The following RRAS2 variants were observed in gnomAD, a reference collection of about 807,000 sequenced individuals.
The protein encoded by RRAS2 is ras-related protein R-Ras2.
Under a neutral mutation model 27.6 loss-of-function variants are expected in RRAS2, and 7 were observed. The observed-to-expected ratio is 0.25, with a 90% CI of 0.14 to 0.48. RRAS2 has a LOEUF of 0.48. Ranked by LOEUF, RRAS2 falls within the 20% of genes least tolerant of loss-of-function variation. RRAS2 has a pLI of 0.99. For missense variants in RRAS2, 178 were observed against 256.2 expected (o/e 0.69, Z 2.08); for synonymous variants, 86 against 90.9 (o/e 0.95, Z 0.31).
At chr11:14,298,060 A>G (rs1847602580) in intron 1 of RRAS2, among the ~76,000 whole-genome samples, 1 of 152,204 alleles carries the variant, frequency 6.6e-6, no homozygotes, top group African/African-American at 2.4e-5. Context: ...CCACTTCAAA[A>G]AGTAAATAAA....
chr11:14,309,252 G>T (rs1847903168), intron 1 of RRAS2, among the ~76,000 whole-genome samples: 1 of 152,068 alleles, frequency 6.6e-6, no homozygotes, highest in Non-Finnish European at 1.5e-5. Flanking sequence ...AGCAAAACTA[G>T]AATTAAAGGG....
At chr11:14,322,598 G>C (rs1187658608) in intron 1 of RRAS2, among the ~76,000 whole-genome samples, 1 of 151,964 alleles carries the variant, frequency 6.6e-6, no homozygotes, top group Non-Finnish European at 1.5e-5. Flanking sequence ...ATTTACCTAA[G>C]AAAACCTTAA....
chr11:14,312,200 G>A (rs1847986301), intron 1 of RRAS2, among the ~76,000 whole-genome samples: 1 of 152,056 alleles, frequency 6.6e-6, no homozygotes, highest in African/African-American at 2.4e-5. Context: ...TCCCTAAGGG[G>A]AGAACACGGA....
chr11:14,296,013 A>G, intron 1 of RRAS2, 158 bp from the exon 2 acceptor site: 1 of 441,618 alleles, frequency 2.3e-6, no homozygotes. Context: ...ATCTCTTAAA[A>G]AAAAATTAAA....
rs1258756203 is a variant in RRAS2, at chr11:14,358,967, C to A, written c.-97G>T. On this transcript the variant is annotated 5_prime_UTR_variant, in exon 1 of 6. Transcript: ENST00000256196. This position sits in a 1 kb window ranked among gnomAD's most constrained non-coding sequence, Gnocchi z 5.1. ...ACGTGTGCGGCCGGCGGGCTGCGGGCGAGCGGCCGGGCTGGGGTCCCGGGT... is the reference window on the plus strand; with the variant it reads ...ACGTGTGCGGCCGGCGGGCTGCGGGAGAGCGGCCGGGCTGGGGTCCCGGGT... 4.3e-6 allele frequency: 5 copies of A among 1,156,676 alleles called. No individual in the cohort carries two copies. In the Admixed American group the frequency reaches 1.9e-4, roughly 45 times the overall value. The allele number at this position is 1,156,676 out of a possible 1,614,324, so 71.7% of individuals were successfully genotyped here. A position where few individuals can be genotyped will look rare whatever the true frequency, so the allele number is the denominator to read the frequency against.
At chr11:14,349,228 T>G (rs546230137) in intron 1 of RRAS2, among the ~76,000 whole-genome samples, 16 of 152,110 alleles carry the variant, frequency 1.1e-4, no homozygotes, top group Middle Eastern at 6.8e-3. Context: ...CTTGGCTCAC[T>G]GCAACCTCCA....
intron 1 of RRAS2, among the ~76,000 whole-genome samples, chr11:14,320,280 A>G (rs2133995559): frequency 6.6e-6 from 1 of 152,354 alleles, no homozygotes; most frequent in East Asian, 1.9e-4. Context: ...GTGAAACCAC[A>G]AGAGAGCAAG....
chr11:14,352,862 C>T (rs189799963), intron 1 of RRAS2, among the ~76,000 whole-genome samples: 3 of 150,766 alleles, frequency 2.0e-5, no homozygotes, highest in South Asian at 2.1e-4. Context: ...GTGGCATGAT[C>T]TCCGCCCACT....
chr11:14,284,116 G>C (rs1048213219), intron 4 of RRAS2, among the ~76,000 whole-genome samples: 19 of 151,866 alleles, frequency 1.3e-4, no homozygotes, highest in Admixed American at 5.2e-4. Flanking sequence ...ATTTCTTAAG[G>C]AAGAAACTAA....
intron 4 of RRAS2, among the ~76,000 whole-genome samples, chr11:14,283,115 G>A (rs985539849): frequency 2.6e-5 from 4 of 152,104 alleles, no homozygotes; most frequent in South Asian, 2.1e-4. Flanking sequence ...TGCATAAGGC[G>A]TTTATCAGGA....
intron 1 of RRAS2, 47 bp from the exon 2 acceptor site, chr11:14,295,902 G>T (rs183165083): frequency 1.9e-6 from 3 of 1,549,994 alleles, no homozygotes; most frequent in Non-Finnish European, 2.7e-6. Flanking sequence ...GGCCAGGCAT[G>T]GTAGCTCACA....
In RRAS2 at chr11:14,358,822, G is replaced by A; in HGVS notation, c.49C>T (p.Leu17Phe). The change falls in exon 1 of 6, where the codon CTC (leucine) becomes TTC (phenylalanine). Residue 17 changes from leucine (L) to phenylalanine (F), a missense_variant. Transcript: ENST00000256196. The surrounding 1 kb of genome is among the most constrained non-coding windows in gnomAD (Gnocchi z 5.1). ...RDGSGQEKYR[L>F]VVVGGGGVGK... ...ACGCCGCCCCCGCCGACCACCACGA[G>A]CCGGTACTTCTCCTGGCCGGAGCCG... 6.7e-7 allele frequency: 1 copy of A among 1,495,990 alleles called. No individual in the cohort carries two copies. The highest frequency in any genetic ancestry group is 9.0e-7 in the Non-Finnish European group (1 of 1,116,706). 92.7% of individuals were successfully genotyped at this position (1,495,990 alleles called of 1,614,324 possible). A position where few individuals can be genotyped will look rare whatever the true frequency, so the allele number is the denominator to read the frequency against.
chr11:14,314,039 G>GA (rs1476728813), intron 1 of RRAS2, among the ~76,000 whole-genome samples: 2 of 152,132 alleles, frequency 1.3e-5, no homozygotes, highest in African/African-American at 2.4e-5. Flanking sequence ...AAAATCATTA[G>GA]AAAAAACTAT....
In RRAS2 at chr11:14,358,905, G is replaced by A; in HGVS notation, c.-35C>T. 1 of 1,321,302 alleles carries A rather than the reference G, an allele frequency of 7.6e-7. No homozygotes were observed. Among genetic ancestry groups the A allele is most frequent in the Non-Finnish European group, 9.8e-7 (1 of 1,024,228 alleles). The allele number at this position is 1,321,302 out of a possible 1,614,324, so 81.8% of individuals were successfully genotyped here. A position where few individuals can be genotyped will look rare whatever the true frequency, so the allele number is the denominator to read the frequency against. ...ACAGAGCCCAGCCTGACTGCGCCGA[G>A]CCGCCGCTGCCGCCCGCCCTAGGCC... On this transcript the variant is annotated 5_prime_UTR_variant, in exon 1 of 6. Transcript: ENST00000256196. The surrounding 1 kb of genome is among the most constrained non-coding windows in gnomAD (Gnocchi z 5.1).
At chr11:14,285,726 T>C (rs1849643982) in intron 4 of RRAS2, among the ~76,000 whole-genome samples, 1 of 152,218 alleles carries the variant, frequency 6.6e-6, no homozygotes, top group Non-Finnish European at 1.5e-5. Flanking sequence ...TTGATAGTTT[T>C]TGCTATCAGT....
rs1348169525 is a variant in RRAS2, at chr11:14,294,593, A to T, written c.300-14T>A. 6.4e-7 allele frequency: 1 copy of T among 1,557,740 alleles called. No individual in the cohort carries two copies. Among genetic ancestry groups the T allele is most frequent in the Non-Finnish European group, 8.7e-7 (1 of 1,146,552 alleles). ...ATTTCTTCAAAACTTAAAAAAAAAA[A>T]ATCAAAAACAAATTAATCAATTTGG... On this transcript the variant is annotated splice_polypyrimidine_tract_variant and intron_variant, in intron 3 of 5. Transcript: ENST00000256196.
chr11:14,345,000 T>TTC (rs1848799531), intron 1 of RRAS2, among the ~76,000 whole-genome samples: 1 of 147,342 alleles, frequency 6.8e-6, no homozygotes, highest in Non-Finnish European at 1.5e-5. Context: ...TTTTTTTTTT[T>TTC]TTTTTTTGAG....
At chr11:14,338,200 C>A (rs765264922) in intron 1 of RRAS2, among the ~76,000 whole-genome samples, 2 of 151,976 alleles carry the variant, frequency 1.3e-5, no homozygotes, top group Non-Finnish European at 2.9e-5. Flanking sequence ...ACCTAGAGTA[C>A]CCACATAAAA....
chr11:14,330,188 G>A (rs1240066750), intron 1 of RRAS2, among the ~76,000 whole-genome samples: 2 of 152,176 alleles, frequency 1.3e-5, no homozygotes, highest in African/African-American at 4.8e-5. Context: ...TGAATTCTAA[G>A]ATTTTAGAAA....
Sources: allele counts gnomAD v4.1 joint callset (sites outside exome capture counted in the v4.1 genomes callset), GRCh38; gene constraint gnomAD v4.1.1; non-coding constraint Gnocchi (gnomAD v3.1); transcripts MANE v1.5; gene names NCBI Gene and HGNC (gene_info 2026-07-23, HGNC 2026-07-21).